CUX1: variants seen among roughly 807,000 people sequenced by gnomAD.
The protein encoded by CUX1 is cut like homeobox 1.
Under a neutral mutation model 158.8 loss-of-function variants are expected in CUX1, and 31 were observed. The observed-to-expected ratio is 0.20, with a 90% CI of 0.15 to 0.26. The LOEUF (loss-of-function observed/expected upper bound fraction) is 0.26. Ranked by LOEUF, CUX1 falls within the 10% of genes least tolerant of loss-of-function variation. The pLI is 1.00. For missense variants in CUX1, 1,589 were observed against 2,014.6 expected, an observed-to-expected ratio of 0.79 and a Z score of 4.04; for synonymous variants, 879 against 862.1, an observed-to-expected ratio of 1.02 and a Z score of -0.34.
intron 3 of CUX1, 131 bp downstream of exon 3, chr7:102,028,276 C>G: frequency 4.6e-6 from 4 of 873,348 alleles, no homozygotes; most frequent in Non-Finnish European, 7.1e-6. Context: ...TCCGACCCAG[C>G]GTCATGCAGA....
intron 1 of CUX1, among the ~76,000 whole-genome samples, chr7:101,823,312 A>T (rs546267984): frequency 5.3e-5 from 8 of 152,250 alleles, no homozygotes; most frequent in Admixed American, 2.6e-4. Context: ...CCTCCTAGGG[A>T]TTTACTAACA....
intron 20 of CUX1, among the ~76,000 whole-genome samples, chr7:102,224,369 G>A (rs1798143446): frequency 6.6e-6 from 1 of 152,110 alleles, no homozygotes; most frequent in Admixed American, 6.5e-5. Flanking sequence ...ACCATGCCTG[G>A]CTGGTTTTTG....
At chr7:101,833,378 C>A (rs1394843687) in intron 1 of CUX1, among the ~76,000 whole-genome samples, 1 of 150,216 alleles carries the variant, frequency 6.7e-6, no homozygotes, top group Non-Finnish European at 1.5e-5. Flanking sequence ...GAGACCCTGT[C>A]TCTACAGAAA....
At chr7:101,992,558 G>T (rs1271184952) in intron 2 of CUX1, among the ~76,000 whole-genome samples, 1 of 152,134 alleles carries the variant, frequency 6.6e-6, no homozygotes, top group Non-Finnish European at 1.5e-5. Context: ...TGGGGGAGGG[G>T]TCAGTACATG....
At chr7:101,940,948 G>A (rs1807629740) in intron 2 of CUX1, among the ~76,000 whole-genome samples, 1 of 152,220 alleles carries the variant, frequency 6.6e-6, no homozygotes, top group African/African-American at 2.4e-5. Flanking sequence ...CATTAGCGAG[G>A]CCAGCCCCTT....
chr7:102,009,283 T>A (rs374503010), intron 2 of CUX1, among the ~76,000 whole-genome samples: 1 of 152,154 alleles, frequency 6.6e-6, no homozygotes, highest in Non-Finnish European at 1.5e-5. Context: ...GGAGTGGCTG[T>A]CATGACGCTG....
chr7:102,124,620 C>T (rs1349052909), intron 8 of CUX1, among the ~76,000 whole-genome samples: 2 of 152,058 alleles, frequency 1.3e-5, no homozygotes, highest in African/African-American at 2.4e-5. Context: ...TCATGTAAAA[C>T]GTTGATCACA....
chr7:102,202,657 C>T (rs190175609), intron 18 of CUX1, among the ~76,000 whole-genome samples: 37 of 152,300 alleles, frequency 2.4e-4, no homozygotes, highest in Admixed American at 1.0e-3. Flanking sequence ...ACCACCAGTA[C>T]GCAGAGAGCC....
chr7:101,840,065 T>C (rs771416361), intron 1 of CUX1, among the ~76,000 whole-genome samples: 16 of 152,252 alleles, frequency 1.1e-4, no homozygotes, highest in African/African-American at 3.9e-4. Context: ...CTGGCCGTTA[T>C]AGTTTTTTAA....
intron 12 of CUX1, among the ~76,000 whole-genome samples, chr7:102,192,072 C>T (rs17498137): frequency 0.11 from 16,502 of 152,228 alleles, 1,135 homozygotes; most frequent in Admixed American, 0.17. Context: ...TGCCCAAATG[C>T]GCTCCTAGTT....
chr7:101,873,336 TC>T (rs1446090986), intron 1 of CUX1, among the ~76,000 whole-genome samples: 1 of 79,624 alleles, frequency 1.3e-5, no homozygotes, highest in East Asian at 4.1e-4. Flanking sequence ...ATGCTATCCC[TC>T]CCCCCACCCC....
Position 102,135,430 on chromosome 7 carries a change from G to A in CUX1, c.674+20157G>A, listed in dbSNP as rs531236657. 3.6e-4 allele frequency among the ~76,000 whole-genome samples: 55 copies of A among 152,022 alleles called. 1 individual carries two copies. Among genetic ancestry groups the A allele is most frequent in the East Asian group, 1.6e-3 (8 of 5,154 alleles). ...AGAGGAGGGTTGGTCTCGCTGTCTC[G>A]GGTGACAGCGGAGGAGGACGTGGAG... On this transcript the variant is annotated intron_variant, in intron 8 of 23. Transcript: ENST00000292535.
At position 102,145,086 on chromosome 7, in the gene CUX1, T is replaced by TAAA. The variant is rs59225537; in HGVS notation, c.675-13453_675-13451dup. On this transcript the variant is annotated intron_variant, in intron 8 of 23. Transcript: ENST00000292535. The stretch of plus-strand genomic sequence containing the variant: ...TGGGCGACAGAGCAAGACTCCGTCT[T>TAAA]AAAAAAAAAAAAAAAAAAAAAAATT... 6.5e-3 allele frequency among the ~76,000 whole-genome samples: 774 copies of TAAA among 118,732 alleles called. 9 individuals are homozygous for TAAA. Among genetic ancestry groups the TAAA allele is most frequent in the African/African-American group, 0.017 (557 of 32,150 alleles). 77.9% of individuals were successfully genotyped at this position (118,732 alleles called of 152,430 possible).
rs545131333 is a variant in CUX1 at position 102,239,903 on chromosome 7, A to C, written c.3887+319A>C. ...CTGGGATTACAGGCATGCACCACCA[A>C]GCCCGGCTAATTTTTGTATTTTTAG... On this transcript the variant is annotated intron_variant, in intron 23 of 23. Transcript: ENST00000292535. 8.2e-4 allele frequency among the ~76,000 whole-genome samples: 125 copies of C among 151,850 alleles called. 1 individual carries two copies. The highest frequency in any genetic ancestry group is 1.6e-3 in the Non-Finnish European group (110 of 67,920).
rs1203472075 is a variant in CUX1, at chr7:101,869,934, C to T, written c.31-46181C>T. Among the ~76,000 whole-genome samples the T allele has an allele frequency of 2.6e-5, 4 of 152,092 alleles. No individual in the cohort carries two copies. The highest frequency in any genetic ancestry group is 2.1e-4 in the South Asian group (1 of 4,826). ...CTGCCATCCCCTTCCAGGTGCCCCGCAGAACCACCACCCTTGGGAAGGCGG... is the reference window on the plus strand; with the variant it reads ...CTGCCATCCCCTTCCAGGTGCCCCGTAGAACCACCACCCTTGGGAAGGCGG... On this transcript the variant is annotated intron_variant, in intron 1 of 23. Transcript: ENST00000292535. This position sits in a 1 kb window ranked among gnomAD's most constrained non-coding sequence, Gnocchi z 4.5.
chr7:102,095,962 A>C (rs1437891193), intron 4 of CUX1, among the ~76,000 whole-genome samples: 1 of 152,232 alleles, frequency 6.6e-6, no homozygotes, highest in Non-Finnish European at 1.5e-5. Flanking sequence ...AGAACATTTA[A>C]GGTCTCTCTA....
intron 14 of CUX1, among the ~76,000 whole-genome samples, chr7:102,196,046 C>T (rs150128776): frequency 1.3e-5 from 2 of 152,340 alleles, no homozygotes; most frequent in East Asian, 3.9e-4. Context: ...GGGGACGCGT[C>T]CCCCATCCTT....
At chr7:101,958,181 CCTT>C (rs1809997822) in intron 2 of CUX1, among the ~76,000 whole-genome samples, 1 of 152,170 alleles carries the variant, frequency 6.6e-6, no homozygotes, top group East Asian at 1.9e-4. Context: ...TAGCCCCCCT[CCTT>C]CTAGAACCTC....
chr7:102,096,846 C>T lies in CUX1; in HGVS notation c.269-518C>T, dbSNP rs1202158240. On this transcript the variant is annotated intron_variant, in intron 4 of 23. Coordinates refer to ENST00000292535, the MANE Select transcript of CUX1 (RefSeq NM_181552.4). ...GCTTTAGTTTCTGAGGCCTCTTTCT[C>T]GAGATTGTTGTAAGGCTCAAAAGAC... 6.6e-5 allele frequency among the ~76,000 whole-genome samples: 10 copies of T among 152,186 alleles called. No homozygotes were observed. The East Asian group carries it at 1.9e-3, about 29-fold the overall frequency.
Sources: allele counts gnomAD v4.1 joint callset (sites outside exome capture counted in the v4.1 genomes callset), GRCh38; gene constraint gnomAD v4.1.1; non-coding constraint Gnocchi (gnomAD v3.1); transcripts MANE v1.5; gene names NCBI Gene and HGNC (gene_info 2026-07-23, HGNC 2026-07-21).